Variants in STAB2 observed in about 807,000 individuals in gnomAD.
The protein encoded by STAB2 is stabilin-2.
In STAB2, 288 loss-of-function variants were observed where a neutral mutation model predicts 338.1. The ratio of observed to expected loss-of-function variants is 0.85; its 90% CI spans 0.77 to 0.94. The LOEUF (loss-of-function observed/expected upper bound fraction) is 0.94, where lower values mean the gene tolerates loss of function less well. Ranked by LOEUF, STAB2 falls within the 40% of genes least tolerant of loss-of-function variation. The pLI is 0.00. For synonymous variants in STAB2, 1,202 were observed against 1,193.3 expected (o/e 1.01, Z -0.15); for missense variants, 3,141 against 3,210.1 (o/e 0.98, Z 0.52).
At chr12:103,688,921 C>T (rs1169706058) in intron 28 of STAB2, among the ~76,000 whole-genome samples, 2 of 152,146 alleles carry the variant, frequency 1.3e-5, no homozygotes, top group African/African-American at 2.4e-5. Flanking sequence ...ACTCCACTTT[C>T]GGTACAGTCA....
At position 103,753,346 on chromosome 12, in the gene STAB2, C is replaced by G. The variant is rs1342070952; in HGVS notation, c.6707C>G (p.Ala2236Gly). The change falls in exon 61 of 69, where the codon GCC (alanine) becomes GGC (glycine). Residue 2236 changes from alanine (A) to glycine (G), a missense_variant. Physicochemically the swap from Ala to Gly is moderately conservative, Grantham distance 60. Coordinates refer to ENST00000388887, the MANE Select transcript of STAB2 (RefSeq NM_017564.10). The stretch of plus-strand genomic sequence containing the variant: ...GCAACCTACAACCAGCTCTCCTATG[C>G]CCAGAAGGTGGGTCTTCAGTTAGCA... ...TMATYNQLSYAQKAKYHLCSA... is the reference protein window; with the variant it reads ...TMATYNQLSYGQKAKYHLCSA... 6.2e-7 allele frequency: 1 copy of G among 1,614,108 alleles called. No homozygotes were observed. The highest frequency in any genetic ancestry group is 1.7e-5 in the Admixed American group (1 of 60,014).
At chr12:103,757,636 C>G (rs538005764) in intron 63 of STAB2, among the ~76,000 whole-genome samples, 1 of 152,258 alleles carries the variant, frequency 6.6e-6, no homozygotes, top group East Asian at 1.9e-4. Flanking sequence ...GGGAGTGAGC[C>G]ATGCAGACTT....
intron 63 of STAB2, among the ~76,000 whole-genome samples, chr12:103,756,153 C>T (rs974705648): frequency 1.3e-5 from 2 of 152,176 alleles, no homozygotes; most frequent in Non-Finnish European, 2.9e-5. Flanking sequence ...GCTAAGCCTG[C>T]CTGGTGATCA....
At chr12:103,742,779 AG>A (rs1344055281) in intron 56 of STAB2, among the ~76,000 whole-genome samples, 2 of 152,212 alleles carry the variant, frequency 1.3e-5, no homozygotes, top group Non-Finnish European at 2.9e-5. Flanking sequence ...GCAGCCACTA[AG>A]GCAAGATGTG....
At chr12:103,727,660 G>A (rs923912362) in intron 47 of STAB2, among the ~76,000 whole-genome samples, 1 of 152,226 alleles carries the variant, frequency 6.6e-6, no homozygotes. Flanking sequence ...GGAGTGGAGG[G>A]AGAGATGCTG....
At position 103,749,841 on chromosome 12, in the gene STAB2, C is replaced by CAAAAAAAAAAAAAAAAAAAAAAAAAA. The variant is rs369556936; in HGVS notation, c.6438+691_6439-707dup. ...GGTGACAGAGCAAGACTCTGTCTCA[C>CAAAAAAAAAAAAAAAAAAAAAAAAAA]AAAAAAAAAAAAAAAAAAAAAAAAA... On this transcript the variant is annotated intron_variant, in intron 59 of 68. Transcript: ENST00000388887. Among the ~76,000 whole-genome samples, 2 of 51,132 alleles carry CAAAAAAAAAAAAAAAAAAAAAAAAAA rather than the reference C, an allele frequency of 3.9e-5. 1 individual carries two copies. The highest frequency in any genetic ancestry group is 7.0e-5 in the Non-Finnish European group (2 of 28,370). The allele number at this position is 51,132 out of a possible 152,430, so 33.5% of individuals were successfully genotyped here.
intron 39 of STAB2, among the ~76,000 whole-genome samples, chr12:103,711,002 C>T (rs1056570272): frequency 2.6e-5 from 4 of 151,974 alleles, no homozygotes; most frequent in Non-Finnish European, 4.4e-5. Flanking sequence ...ATTTTCTGCA[C>T]ATGCAAAAAA....
rs756015203 is a variant in STAB2 at position 103,660,657 on chromosome 12, T to A, written c.1789-26T>A. On this transcript the variant is annotated intron_variant, in intron 16 of 68. Coordinates refer to ENST00000388887, the MANE Select transcript of STAB2 (RefSeq NM_017564.10). ...CCCTGCGTGTGGTCCCAAATATCTC[T>A]GCCTTTTGTTCTCTTCTTATTGCAG... 3 of 1,613,280 alleles carry A rather than the reference T, an allele frequency of 1.9e-6. No homozygotes were observed. The African/African-American group carries it at 4.0e-5, about 22-fold the overall frequency.
chr12:103,653,297 C>T (rs1024361549), intron 12 of STAB2, among the ~76,000 whole-genome samples: 5 of 152,046 alleles, frequency 3.3e-5, no homozygotes, highest in Admixed American at 6.5e-5. Context: ...TACTGAACAT[C>T]GATAGTTAAT....
chr12:103,669,862 C>T (rs1054836775), intron 21 of STAB2, among the ~76,000 whole-genome samples: 7 of 152,114 alleles, frequency 4.6e-5, no homozygotes, highest in Admixed American at 2.0e-4. Context: ...GGCTGCAGGA[C>T]GTTGGGTAAC....
chr12:103,730,219 T>G lies in STAB2; in HGVS notation c.5186T>G (p.Leu1729Trp), dbSNP rs1469624527. 6.2e-7 allele frequency: 1 copy of G among 1,613,606 alleles called. No individual in the cohort carries two copies. The highest frequency in any genetic ancestry group is 8.5e-7 in the Non-Finnish European group (1 of 1,179,824). ...GACAAATTGCTATCTCCCAAAAATT[T>G]GCTTATCACTCCCAAAGACAACTCT... ...IIDKLLSPKN[L>W]LITPKDNSGR... The change falls in exon 49 of 69, where the codon TTG (leucine) becomes TGG (tryptophan). Residue 1729 changes from leucine to tryptophan, a missense_variant. Coordinates refer to ENST00000388887, the MANE Select transcript of STAB2 (RefSeq NM_017564.10).
chr12:103,706,430 C>A (rs573465050), intron 37 of STAB2, among the ~76,000 whole-genome samples: 2 of 152,302 alleles, frequency 1.3e-5, no homozygotes, highest in East Asian at 3.9e-4. Context: ...TGAAGGGGCC[C>A]AGATCTGGGT....
At chr12:103,679,248 A>G (rs1172295470) in intron 25 of STAB2, among the ~76,000 whole-genome samples, 3 of 152,072 alleles carry the variant, frequency 2.0e-5, no homozygotes, top group African/African-American at 4.8e-5. Flanking sequence ...CATGCCTGTA[A>G]TCCCAGCTAC....
At chr12:103,608,602 G>A (rs1169571167) in intron 3 of STAB2, among the ~76,000 whole-genome samples, 1 of 152,160 alleles carries the variant, frequency 6.6e-6, no homozygotes, top group Non-Finnish European at 1.5e-5. Context: ...TGTCAGATAA[G>A]TAGATTGCAA....
intron 5 of STAB2, among the ~76,000 whole-genome samples, chr12:103,626,629 T>G (rs996627581): frequency 8.5e-5 from 13 of 152,238 alleles, no homozygotes; most frequent in Non-Finnish European, 1.8e-4. Context: ...CGATGCCTGG[T>G]CATTTCCCAC....
chr12:103,757,867 G>A (rs1292450571), intron 63 of STAB2: 1 of 388,604 alleles, frequency 2.6e-6, no homozygotes. Context: ...AGTGAAGTGG[G>A]GGGCCACTGC....
At chr12:103,668,411 GTGGGCCA>G (rs1421301656) in intron 19 of STAB2, among the ~76,000 whole-genome samples, 1 of 152,184 alleles carries the variant, frequency 6.6e-6, no homozygotes, top group African/African-American at 2.4e-5. Context: ...ATAAAGATCT[GTGGGCCA>G]TGGATGATGC....
At position 103,688,244 on chromosome 12, in the gene STAB2, G is replaced by A. The variant is rs369566565; in HGVS notation, c.3045+29G>A. 7 of 1,607,970 alleles carry A rather than the reference G, an allele frequency of 4.4e-6. No homozygotes were observed. In the East Asian group the frequency reaches 1.6e-4, roughly 36 times the overall value. ...AGTACCTTTATTGGGACTTAGGATT[G>A]GGAATGTATATATTTTAGAAACTTG... On this transcript the variant is annotated intron_variant, in intron 28 of 68. Coordinates refer to ENST00000388887, the MANE Select transcript of STAB2 (RefSeq NM_017564.10).
At chr12:103,710,117 C>T (rs1879718599) in intron 39 of STAB2, among the ~76,000 whole-genome samples, 1 of 152,180 alleles carries the variant, frequency 6.6e-6, no homozygotes, top group Non-Finnish European at 1.5e-5. Flanking sequence ...CCACTACTGC[C>T]AGATAGAACT....
Sources: allele counts gnomAD v4.1 joint callset (sites outside exome capture counted in the v4.1 genomes callset), GRCh38; gene constraint gnomAD v4.1.1; transcripts MANE v1.5; gene names NCBI Gene and HGNC (gene_info 2026-07-23, HGNC 2026-07-21).